Variants in ZNF385B observed in about 807,000 individuals in gnomAD.
ZNF385B encodes zinc finger protein 533.
Under a neutral mutation model 39.2 loss-of-function variants are expected in ZNF385B, and 23 were observed. That is an observed-to-expected ratio of 0.59 (90% CI 0.42 to 0.83). The LOEUF (loss-of-function observed/expected upper bound fraction) is 0.83, where lower values mean the gene tolerates loss of function less well. Ranked by LOEUF, ZNF385B falls within the 40% of genes least tolerant of loss-of-function variation. The pLI is 0.00. For missense variants in ZNF385B, 552 were observed against 598.9 expected (o/e 0.92, Z 0.82); for synonymous variants, 205 against 222.6 (o/e 0.92, Z 0.70).
At chr2:179,567,653 T>A (rs984440515) in intron 3 of ZNF385B, among the ~76,000 whole-genome samples, 1 of 152,156 alleles carries the variant, frequency 6.6e-6, no homozygotes, top group African/African-American at 2.4e-5. Flanking sequence ...GCCACTGCAA[T>A]CAAAGGAGAG....
chr2:179,551,590 T>C (rs1326729230), intron 3 of ZNF385B, among the ~76,000 whole-genome samples: 1 of 152,012 alleles, frequency 6.6e-6, no homozygotes, highest in Non-Finnish European at 1.5e-5. Flanking sequence ...GGTGTAAAAA[T>C]GGGTAGCACA....
At chr2:179,453,806 G>A (rs1200677644) in intron 6 of ZNF385B, among the ~76,000 whole-genome samples, 3 of 152,120 alleles carry the variant, frequency 2.0e-5, no homozygotes, top group Non-Finnish European at 4.4e-5. Context: ...ACCTTTAGTG[G>A]CACAAGCTGA....
At chr2:179,449,788 C>T (rs1261846419) in intron 6 of ZNF385B, among the ~76,000 whole-genome samples, 12 of 152,120 alleles carry the variant, frequency 7.9e-5, no homozygotes, top group Middle Eastern at 3.4e-3. Context: ...GAGCCCGCAT[C>T]GCCAAGTCAA....
intron 3 of ZNF385B, among the ~76,000 whole-genome samples, chr2:179,738,494 A>C (rs991343208): frequency 4.6e-5 from 7 of 152,186 alleles, no homozygotes; most frequent in African/African-American, 1.7e-4. Context: ...TGTGTGAAAC[A>C]ATCATATCAC....
At chr2:179,518,222 C>T (rs13030364) in intron 5 of ZNF385B, among the ~76,000 whole-genome samples, 3,290 of 152,124 alleles carry the variant, frequency 0.022, 59 homozygotes, top group Middle Eastern at 0.055. Context: ...TGTCTATAAT[C>T]CTCTATTGGT....
rs562692057 is a variant in ZNF385B at position 179,464,940 on chromosome 2, C to T, written c.716-18170G>A. Among the ~76,000 whole-genome samples, 3 of 152,174 alleles carry T rather than the reference C, an allele frequency of 2.0e-5. No homozygotes were observed. The East Asian group carries it at 5.8e-4, about 29-fold the overall frequency. On this transcript the variant is annotated intron_variant, in intron 6 of 9. Transcript: ENST00000410066. The stretch of plus-strand genomic sequence containing the variant: ...AATCTCCATGTTCTAAAAGTCACTC[C>T]TTAACTCAGTTTACTCCCAGGGCTT...
At chr2:179,679,371 T>G (rs567726762) in intron 3 of ZNF385B, among the ~76,000 whole-genome samples, 1 of 152,320 alleles carries the variant, frequency 6.6e-6, no homozygotes, top group Non-Finnish European at 1.5e-5. Context: ...CATTAAGTGA[T>G]GCATGACTGT....
At chr2:179,529,781 G>A (rs773351386) in intron 4 of ZNF385B, among the ~76,000 whole-genome samples, 3 of 152,054 alleles carry the variant, frequency 2.0e-5, no homozygotes, top group Admixed American at 6.6e-5. Context: ...CAGCAACAAC[G>A]AATAGCTCAA....
chr2:179,445,671 T>C lies in ZNF385B; in HGVS notation c.1019A>G (p.Tyr340Cys), dbSNP rs765578313. The change falls in exon 8 of 10, where the codon TAT becomes TGT. Residue 340 changes from tyrosine to cysteine, a missense_variant. By Grantham distance (194) the Tyr-to-Cys change is radical. Coordinates refer to ENST00000410066, the MANE Select transcript of ZNF385B (RefSeq NM_152520.6). ...CTTTAATCTTGATCCAGGTCTAGGA[T>C]AGGATTTAATTGGACCAGCCCCATT... ...ARNGAGPIKS[Y>C]PRPGSRLKMQ... is the part of the protein sequence containing the mutation. The C allele has an allele frequency of 1.9e-6, 3 of 1,614,046 alleles. No individual in the cohort carries two copies. The highest frequency in any genetic ancestry group is 2.5e-6 in the Non-Finnish European group (3 of 1,179,962).
intron 4 of ZNF385B, among the ~76,000 whole-genome samples, chr2:179,532,068 C>G (rs1007875988): frequency 6.6e-6 from 1 of 152,170 alleles, no homozygotes; most frequent in East Asian, 1.9e-4. Flanking sequence ...ATCGCTTTAT[C>G]GAATAAGGCT....
At chr2:179,797,589 AT>A (rs1300606959) in intron 1 of ZNF385B, among the ~76,000 whole-genome samples, 1 of 152,008 alleles carries the variant, frequency 6.6e-6, no homozygotes, top group African/African-American at 2.4e-5. Context: ...TCCTCTTCAC[AT>A]TTTTTTCTTG....
At chr2:179,630,344 G>A (rs1575032747) in intron 3 of ZNF385B, among the ~76,000 whole-genome samples, 1 of 152,262 alleles carries the variant, frequency 6.6e-6, no homozygotes, top group African/African-American at 2.4e-5. Context: ...AATATTTGCT[G>A]TTCTGCAGCT....
intron 1 of ZNF385B, among the ~76,000 whole-genome samples, chr2:179,792,671 G>A (rs754644269): frequency 6.6e-5 from 10 of 151,990 alleles, no homozygotes; most frequent in Admixed American, 2.6e-4. Flanking sequence ...CACCACGCCC[G>A]GCCCATTTCC....
At chr2:179,759,271 G>T (rs958185048) in intron 3 of ZNF385B, among the ~76,000 whole-genome samples, 1 of 152,158 alleles carries the variant, frequency 6.6e-6, no homozygotes, top group South Asian at 2.1e-4. Context: ...CTGCAATTGT[G>T]TGGTACCCTG....
At chr2:179,516,816 T>TATGTAG (rs2058120657) in intron 5 of ZNF385B, among the ~76,000 whole-genome samples, 1 of 152,090 alleles carries the variant, frequency 6.6e-6, no homozygotes. Context: ...AATCTTTGCC[T>TATGTAG]AATGCAAAGC....
chr2:179,520,081 C>T (rs2058372670), intron 4 of ZNF385B, among the ~76,000 whole-genome samples: 1 of 151,868 alleles, frequency 6.6e-6, no homozygotes, highest in Admixed American at 6.6e-5. Context: ...CCTATAATCC[C>T]AGCACTTTGG....
At chr2:179,455,195 T>G (rs1185852390) in intron 6 of ZNF385B, among the ~76,000 whole-genome samples, 2 of 152,188 alleles carry the variant, frequency 1.3e-5, no homozygotes, top group Non-Finnish European at 2.9e-5. Context: ...TGCTTATTGT[T>G]GTGTTGCAAT....
chr2:179,818,940 G>A (rs575361559), intron 1 of ZNF385B, among the ~76,000 whole-genome samples: 6 of 151,950 alleles, frequency 3.9e-5, no homozygotes, highest in African/African-American at 9.7e-5. Context: ...AAGTAACTAA[G>A]GTAGGCTTTC....
chr2:179,815,698 C>T (rs897222038), intron 1 of ZNF385B, among the ~76,000 whole-genome samples: 2 of 152,118 alleles, frequency 1.3e-5, no homozygotes, highest in African/African-American at 2.4e-5. Context: ...CTAATGCCCC[C>T]GACATTTGCA....
Sources: gnomAD v4.1 joint callset for allele counts (sites outside exome capture counted in the v4.1 genomes callset) on GRCh38, gnomAD v4.1.1 for gene constraint, MANE v1.5 for transcripts, NCBI Gene and HGNC (gene_info 2026-07-23, HGNC 2026-07-21) for gene names.